Variants in NDUFAF6 observed in about 807,000 individuals in gnomAD.
NDUFAF6 encodes the protein NADH:ubiquinone oxidoreductase complex assembly factor 6.
In NDUFAF6, 45 loss-of-function variants were observed where a neutral mutation model predicts 40.8. The observed-to-expected ratio is 1.10, with a 90% CI of 0.87 to 1.42. NDUFAF6 has a LOEUF of 1.42. Ranked by LOEUF, NDUFAF6 falls within the 40% of genes most tolerant of loss-of-function variation. The pLI, the probability that NDUFAF6 is intolerant of heterozygous loss-of-function variation, is 0.00. For missense variants in NDUFAF6, 435 were observed against 418.5 expected (o/e 1.04, Z -0.34); for synonymous variants, 185 against 155.9 (o/e 1.19, Z -1.39).
intron 1 of NDUFAF6, among the ~76,000 whole-genome samples, chr8:94,972,276 C>T (rs1012634599): frequency 4.6e-5 from 7 of 152,000 alleles, no homozygotes; most frequent in African/African-American, 1.7e-4. Context: ...GAGTCTCGCT[C>T]CATTGCAAAG....
chr8:94,999,173 G>C (rs985548543), intron 2 of NDUFAF6, among the ~76,000 whole-genome samples: 1 of 146,492 alleles, frequency 6.8e-6, no homozygotes, highest in African/African-American at 2.6e-5. Flanking sequence ...CACCAGGCTA[G>C]AGTGTAGTGG....
intron 1 of NDUFAF6, among the ~76,000 whole-genome samples, chr8:94,938,657 T>C (rs1411037190): frequency 6.6e-6 from 1 of 152,158 alleles, no homozygotes. Flanking sequence ...AAGACCCCAA[T>C]AGTACTGAGT....
At chr8:94,920,440 A>C (rs145038820) in intron 1 of NDUFAF6, among the ~76,000 whole-genome samples, 14 of 152,314 alleles carry the variant, frequency 9.2e-5, no homozygotes, top group Non-Finnish European at 1.9e-4. Context: ...GGGAGGGCCA[A>C]GCAGTTCTCT....
intron 1 of NDUFAF6, among the ~76,000 whole-genome samples, chr8:94,936,830 A>G (rs1160628427): frequency 6.6e-6 from 1 of 152,188 alleles, no homozygotes; most frequent in Non-Finnish European, 1.5e-5. Flanking sequence ...AATGAGTGGT[A>G]CAGGCAGTGC....
exon 10 of NDUFAF6, chr8:95,075,990 A>C (rs1833010478): frequency 7.5e-6 from 2 of 266,560 alleles, no homozygotes; most frequent in Admixed American, 4.6e-5. Flanking sequence ...GGGCTTTGAA[A>C]TCTCTAAAGA....
At chr8:95,097,733 G>A (rs1392883100), upstream of NDUFAF6, among the ~76,000 whole-genome samples, 1 of 152,070 alleles carries the variant, frequency 6.6e-6, no homozygotes, top group Non-Finnish European at 1.5e-5. Flanking sequence ...TATAGTTACA[G>A]AATCCATCTT....
intron 3 of NDUFAF6, among the ~76,000 whole-genome samples, 197 bp from the exon 4 acceptor site, chr8:95,041,373 G>A (rs1350670590): frequency 6.6e-6 from 1 of 152,154 alleles, no homozygotes; most frequent in Non-Finnish European, 1.5e-5. Context: ...TAGAAGTATA[G>A]TCTTATAAAT....
chr8:95,021,816 G>A (rs1428148812), upstream of NDUFAF6, among the ~76,000 whole-genome samples: 1 of 152,122 alleles, frequency 6.6e-6, no homozygotes, highest in African/African-American at 2.4e-5. Context: ...TGAGGAGGAA[G>A]GTCCTGAAAA....
At chr8:95,019,715 T>C (rs1827612470) in intron 2 of NDUFAF6, among the ~76,000 whole-genome samples, 1 of 152,184 alleles carries the variant, frequency 6.6e-6, no homozygotes, top group Non-Finnish European at 1.5e-5. Context: ...GAGAGAACAG[T>C]GTGTAGGTGT....
At chr8:95,063,824 A>C (rs974488909) in intron 9 of NDUFAF6, among the ~76,000 whole-genome samples, 3 of 151,950 alleles carry the variant, frequency 2.0e-5, no homozygotes, top group Non-Finnish European at 4.4e-5. Flanking sequence ...TTAGGAATAC[A>C]ACATTGATTT....
At chr8:95,002,463 A>G (rs1826781105) in intron 2 of NDUFAF6, among the ~76,000 whole-genome samples, 1 of 152,238 alleles carries the variant, frequency 6.6e-6, no homozygotes, top group African/African-American at 2.4e-5. Context: ...CCTACTATGC[A>G]GACTTAAGCC....
chr8:95,019,898 T>TA (rs869099853), intron 2 of NDUFAF6, among the ~76,000 whole-genome samples: 89 of 152,232 alleles, frequency 5.8e-4, no homozygotes, highest in African/African-American at 2.0e-3. Flanking sequence ...CTATATTTTT[T>TA]AAAAAAATGG....
chr8:94,985,473 A>G (rs1428744921), intron 2 of NDUFAF6, among the ~76,000 whole-genome samples: 1 of 1,230 alleles, frequency 8.1e-4, no homozygotes, highest in Non-Finnish European at 1.8e-3. Context: ...ATAATTATAT[A>G]TATATATATA....
At chr8:94,947,123 G>C (rs1822088100) in intron 2 of NDUFAF6, among the ~76,000 whole-genome samples, 1 of 152,190 alleles carries the variant, frequency 6.6e-6, no homozygotes, top group African/African-American at 2.4e-5. Context: ...GAGTTGGTTG[G>C]GGTGGAGTCA....
intron 1 of NDUFAF6, among the ~76,000 whole-genome samples, chr8:94,909,862 G>T (rs1818662261): frequency 6.6e-6 from 1 of 150,840 alleles, no homozygotes; most frequent in South Asian, 2.1e-4. Context: ...CAAAAAGCTG[G>T]CTTCTCCAGC....
chr8:94,946,409 C>G (rs1713669), intron 2 of NDUFAF6, among the ~76,000 whole-genome samples: 51,176 of 151,656 alleles, frequency 0.34, 9,365 homozygotes, highest in Non-Finnish European at 0.41. Flanking sequence ...TACTTAAAGA[C>G]TGGCTCTGAG....
chr8:95,005,539 A>G (rs1826928380), intron 2 of NDUFAF6, among the ~76,000 whole-genome samples: 1 of 134,224 alleles, frequency 7.5e-6, no homozygotes, highest in African/African-American at 2.9e-5. Context: ...ATATATATAT[A>G]TATATATATA....
intron 4 of NDUFAF6, among the ~76,000 whole-genome samples, chr8:95,114,191 T>G (rs1288074575): frequency 7.4e-6 from 1 of 135,818 alleles, no homozygotes; most frequent in Middle Eastern, 3.6e-3. Flanking sequence ...ATGAATGGTG[T>G]TGTCTTTAAA....
At chr8:95,085,879 G>C (rs755863111) in intron 2 of NDUFAF6, among the ~76,000 whole-genome samples, 8 of 152,192 alleles carry the variant, frequency 5.3e-5, no homozygotes, top group Non-Finnish European at 1.2e-4. Flanking sequence ...TTATTAATTT[G>C]AGTAAACTTG....
Sources: allele counts gnomAD v4.1 joint callset (sites outside exome capture counted in the v4.1 genomes callset), GRCh38; gene constraint gnomAD v4.1.1; transcripts MANE v1.5; gene names NCBI Gene and HGNC (gene_info 2026-07-23, HGNC 2026-07-21).